The following HMGCS1 variants were observed in gnomAD, a reference collection of about 807,000 sequenced individuals.
HMGCS1 encodes 3-hydroxy-3-methylglutaryl-CoA synthase 1.
A neutral mutation model predicts 52.3 loss-of-function variants in HMGCS1; 9 were observed. That is an observed-to-expected ratio of 0.17 (90% confidence interval 0.10 to 0.30). HMGCS1 has a LOEUF of 0.30. Ranked by LOEUF, HMGCS1 falls within the 10% of genes least tolerant of loss-of-function variation. The pLI is 1.00. For missense variants in HMGCS1, 320 were observed against 620.9 expected, an observed-to-expected ratio of 0.52 and a Z score of 5.15; for synonymous variants, 176 against 214.4, an observed-to-expected ratio of 0.82 and a Z score of 1.57.
chr5:43,305,056 G>A lies in HMGCS1; in HGVS notation c.-11+2710C>T, dbSNP rs938160324. Among the ~76,000 whole-genome samples the A allele has an allele frequency of 7.9e-5, 12 of 151,454 alleles. No homozygotes were observed. In the East Asian group the frequency reaches 1.8e-3, roughly 22 times the overall value. On this transcript the variant is annotated intron_variant, in intron 2 of 10. Transcript: ENST00000325110. The stretch of plus-strand genomic sequence containing the variant: ...GGCTGGAGTGCAATGGTGTGATCTC[G>A]GCTCACTGCAACCTCCGCCTCCCAG...
At chr5:43,304,886 T>A (rs1225791626) in intron 2 of HMGCS1, among the ~76,000 whole-genome samples, 1 of 152,244 alleles carries the variant, frequency 6.6e-6, no homozygotes, top group East Asian at 1.9e-4. Context: ...TTGGTTCAAA[T>A]TCAGAAAGAG....
In HMGCS1 at chr5:43,295,741, G is replaced by GCT; in HGVS notation, c.905+9_905+10dup. ...ATATAGAAGGAAAAAACTCATAATA[G>GCT]CTCCTCTTACCCAAAGGCTTCCAGG... is the stretch of plus-strand genomic sequence containing the variant. On this transcript the variant is annotated intron_variant, in intron 6 of 10. Coordinates refer to ENST00000325110, the MANE Select transcript of HMGCS1 (RefSeq NM_001098272.3). The GCT allele has an allele frequency of 6.3e-7, 1 of 1,596,126 alleles. No homozygotes were observed. The highest frequency in any genetic ancestry group is 8.6e-7 in the Non-Finnish European group (1 of 1,169,048).
rs1030851772 is a variant in HMGCS1 at position 43,290,608 on chromosome 5, C to A, written c.*523G>T. On this transcript the variant is annotated 3_prime_UTR_variant, in exon 11 of 11. Transcript: ENST00000325110. Reference sequence around the variant, plus strand: ...AAGGGCATGTTTGTTTTGCTATTTTCAAAGGGTTTGTGCGTATCACATTTT... The same window carrying A: ...AAGGGCATGTTTGTTTTGCTATTTTAAAAGGGTTTGTGCGTATCACATTTT... The A allele has an allele frequency of 1.7e-4, 26 of 152,170 alleles. No homozygotes were observed. The highest frequency in any genetic ancestry group is 6.3e-4 in the African/African-American group (26 of 41,430). 9.4% of individuals were successfully genotyped at this position (152,170 alleles called of 1,614,324 possible).
At chr5:43,303,503 T>C (rs988937126) in intron 2 of HMGCS1, among the ~76,000 whole-genome samples, 4 of 152,218 alleles carry the variant, frequency 2.6e-5, no homozygotes, top group African/African-American at 9.6e-5. Context: ...ATCATAAATG[T>C]CTGCTGTTTA....
At chr5:43,307,707 G>A (rs754044487) in intron 2 of HMGCS1, 59 bp downstream of exon 2, 2 of 152,204 alleles carry the variant, frequency 1.3e-5, no homozygotes, top group Non-Finnish European at 2.9e-5. Flanking sequence ...AGGATACCAA[G>A]TTTCCTCCTT....
chr5:43,297,913 T>A, intron 4 of HMGCS1, 96 bp downstream of exon 4: 3 of 1,028,256 alleles, frequency 2.9e-6, no homozygotes, highest in Non-Finnish European at 4.3e-6. Flanking sequence ...TACCTGCATT[T>A]AATGACCATT....
intron 2 of HMGCS1, among the ~76,000 whole-genome samples, chr5:43,304,728 T>G (rs2111715570): frequency 6.6e-6 from 1 of 152,358 alleles, no homozygotes; most frequent in East Asian, 1.9e-4. Context: ...AAATGGAAAG[T>G]GAAACACAAT....
intron 2 of HMGCS1, among the ~76,000 whole-genome samples, chr5:43,299,981 C>G (rs1166323610): frequency 6.6e-6 from 1 of 152,198 alleles, no homozygotes. Flanking sequence ...TCTCTGATCC[C>G]ATGAGCCTGC....
chr5:43,294,164 T>G lies in HMGCS1; in HGVS notation c.1077-2A>C. On this transcript the variant is annotated splice_acceptor_variant, in intron 7 of 10. Transcript: ENST00000325110. LOFTEE classifies it high-confidence loss of function. ...CCTGCTAATTGCTGAGGTGAGTACC[T>G]ATGTAGGGTGTAACAATAGTTCAGA... 6.3e-7 allele frequency: 1 copy of G among 1,579,066 alleles called. No homozygotes were observed. The highest frequency in any genetic ancestry group is 8.7e-7 in the Non-Finnish European group (1 of 1,148,052).
chr5:43,288,809 T>C lies in HMGCS1; in HGVS notation c.*2322A>G, dbSNP rs1472021818. ...ATATGAGCTGATCAGTATTAGAAAA[T>C]ATATAATTTGGTTTATTTCCTAATT... On this transcript the variant is annotated 3_prime_UTR_variant, in exon 11 of 11. Coordinates refer to ENST00000325110, the MANE Select transcript of HMGCS1 (RefSeq NM_001098272.3). The C allele has an allele frequency of 6.6e-6, 1 of 152,024 alleles. No homozygotes were observed. The highest frequency in any genetic ancestry group is 1.5e-5 in the Non-Finnish European group (1 of 68,024). 9.4% of individuals were successfully genotyped at this position (152,024 alleles called of 1,614,324 possible).
chr5:43,297,922 T>G (rs1345329126), intron 4 of HMGCS1, 87 bp downstream of exon 4: 1 of 1,156,378 alleles, frequency 8.6e-7, no homozygotes, highest in Non-Finnish European at 1.2e-6. Flanking sequence ...TTAATGACCA[T>G]TAAGTAAGCG....
chr5:43,288,969 T>C lies in HMGCS1; in HGVS notation c.*2162A>G, dbSNP rs1005205373. 2.6e-5 allele frequency: 4 copies of C among 152,222 alleles called. No homozygotes were observed. The highest frequency in any genetic ancestry group is 9.6e-5 in the African/African-American group (4 of 41,460). The allele number at this position is 152,222 out of a possible 1,614,324, so 9.4% of individuals were successfully genotyped here. ...CTTTTAGGTTGGAGACTCTAGCTGGTAGTGGGCAGTTCTACGTTCACCACT... is the reference window on the plus strand; with the variant it reads ...CTTTTAGGTTGGAGACTCTAGCTGGCAGTGGGCAGTTCTACGTTCACCACT... On this transcript the variant is annotated 3_prime_UTR_variant, in exon 11 of 11. Coordinates refer to ENST00000325110, the MANE Select transcript of HMGCS1 (RefSeq NM_001098272.3).
chr5:43,302,813 A>C (rs905665016), intron 2 of HMGCS1, among the ~76,000 whole-genome samples: 6 of 152,214 alleles, frequency 3.9e-5, no homozygotes, highest in Non-Finnish European at 8.8e-5. Flanking sequence ...AAACCTTCGC[A>C]TTCTTTTTTG....
chr5:43,291,629 C>G (rs376251234), intron 10 of HMGCS1, among the ~76,000 whole-genome samples: 2 of 152,110 alleles, frequency 1.3e-5, no homozygotes, highest in African/African-American at 4.8e-5. Context: ...TAGTTTATAA[C>G]CTGGCTTTAA....
intron 1 of HMGCS1, among the ~76,000 whole-genome samples, chr5:43,309,617 T>C (rs1441390142): frequency 1.3e-5 from 2 of 152,086 alleles, no homozygotes; most frequent in Admixed American, 6.6e-5. Flanking sequence ...AAGAAACAAA[T>C]AGAAGATTCA....
chr5:43,294,900 C>A, intron 6 of HMGCS1, 39 bp from the exon 7 acceptor site: 1 of 1,393,312 alleles, frequency 7.2e-7, no homozygotes, highest in South Asian at 1.3e-5. Flanking sequence ...TGTTTAAAGC[C>A]TATGTTTTTA....
In HMGCS1 at chr5:43,298,290, GCT is replaced by G; in HGVS notation, c.449-158_449-157del. 2.7e-6 allele frequency: 2 copies of G among 729,206 alleles called. No individual in the cohort carries two copies. Among genetic ancestry groups the G allele is most frequent in the Non-Finnish European group, 4.4e-6 (2 of 459,546 alleles). The allele number at this position is 729,206 out of a possible 1,614,324, so 45.2% of individuals were successfully genotyped here. ...TTTTTTTTAAAATTCATCTGCCAAG[GCT>G]CTGTCATCCATCTGACTAAATTTTG... On this transcript the variant is annotated intron_variant, in intron 3 of 10. Transcript: ENST00000325110. The surrounding 1 kb of genome is among the most constrained non-coding windows in gnomAD (Gnocchi z 5.6).
Position 43,292,556 on chromosome 5 carries a change from C to T in HMGCS1, c.1391G>A (p.Arg464Lys). 1 of 1,613,940 alleles carries T rather than the reference C, an allele frequency of 6.2e-7. No individual in the cohort carries two copies. The highest frequency in any genetic ancestry group is 8.5e-7 in the Non-Finnish European group (1 of 1,179,876). Reference protein sequence around the residue: ...YLVRVDEKHRRTYARRPTPND... With the variant: ...YLVRVDEKHRKTYARRPTPND... ...TGGAGTGGGACGCCGAGCGTAAGTT[C>T]TTCTGTGCTTTTCATCCACCCTAAC... Residue 464 changes from arginine to lysine, a missense_variant, in exon 10 of 11, where the codon AGA becomes AAA. Arg to Lys is a conservative substitution (Grantham distance 26). Coordinates refer to ENST00000325110, the MANE Select transcript of HMGCS1 (RefSeq NM_001098272.3).
Position 43,297,870 on chromosome 5 carries a change from T to C in HMGCS1, c.574+139A>G, listed in dbSNP as rs951854596. 34 of 556,038 alleles carry C rather than the reference T, an allele frequency of 6.1e-5. 1 individual carries two copies. The highest frequency in any genetic ancestry group is 9.3e-5 in the Non-Finnish European group (32 of 344,080). 34.4% of individuals were successfully genotyped at this position (556,038 alleles called of 1,614,324 possible). A position where few individuals can be genotyped will look rare whatever the true frequency, so the allele number is the denominator to read the frequency against. On this transcript the variant is annotated intron_variant, in intron 4 of 10. Transcript: ENST00000325110. ...AAAAAAAAAGAAAAAAAAACATAAA[T>C]ATGATAACACACATAAAGCTCTTAG...
Sources: gnomAD v4.1 joint callset for allele counts (sites outside exome capture counted in the v4.1 genomes callset) on GRCh38, gnomAD v4.1.1 for gene constraint, Gnocchi (gnomAD v3.1) non-coding constraint, MANE v1.5 for transcripts, NCBI Gene and HGNC (gene_info 2026-07-23, HGNC 2026-07-21) for gene names.